Variants in SMOC2 observed in about 807,000 individuals in gnomAD.
SMOC2 encodes the protein SPARC-related modular calcium-binding protein 2.
SMOC2 carries 39 observed loss-of-function variants against 61.4 expected under a neutral mutation model. That is an observed-to-expected ratio of 0.64 (90% confidence interval 0.49 to 0.83). SMOC2 has a LOEUF of 0.83. SMOC2 is among the 40% of genes least tolerant of loss of function. The pLI is 0.00. For missense variants in SMOC2, 556 were observed against 592.9 expected, an observed-to-expected ratio of 0.94 and a Z score of 0.65; for synonymous variants, 247 against 239.9, an observed-to-expected ratio of 1.03 and a Z score of -0.27.
intron 9 of SMOC2, among the ~76,000 whole-genome samples, chr6:168,637,542 G>A (rs534013289): frequency 3.3e-5 from 5 of 152,222 alleles, no homozygotes; most frequent in African/African-American, 9.6e-5. Context: ...TGTGGGTGTC[G>A]ACTTGCTAGA....
intron 7 of SMOC2, among the ~76,000 whole-genome samples, chr6:168,587,570 G>A (rs1583135196): frequency 6.6e-6 from 1 of 152,146 alleles, no homozygotes; most frequent in Admixed American, 6.5e-5. Flanking sequence ...AATATACAAC[G>A]TACATCTGAG....
rs545011773 is a variant in SMOC2, at chr6:168,585,838, T to C, written c.638-12980T>C. ...ATGTCTGTTTTCACCTTTGTTAAAT[T>C]TGGATAAGGCTGTTCACCTTTGGTG... On this transcript the variant is annotated intron_variant, in intron 7 of 12. Transcript: ENST00000356284. Among the ~76,000 whole-genome samples, 10 of 152,374 alleles carry C rather than the reference T, an allele frequency of 6.6e-5. No individual in the cohort carries two copies. In the South Asian group the frequency reaches 2.1e-3, roughly 32 times the overall value.
At chr6:168,656,516 AAAAAAAAAAAAAAAGAAAAG>A (rs1279469896) in intron 11 of SMOC2, among the ~76,000 whole-genome samples, 3 of 138,948 alleles carry the variant, frequency 2.2e-5, no homozygotes, top group African/African-American at 8.6e-5. Flanking sequence ...TTAAAAAAAA[AAAAAAAAAAAAAAAGAAAAG>A]AAAAGAAAAA....
intron 9 of SMOC2, among the ~76,000 whole-genome samples, chr6:168,642,677 C>T (rs1244841132): frequency 4.6e-5 from 7 of 152,206 alleles, no homozygotes; most frequent in African/African-American, 1.7e-4. Flanking sequence ...ACGCGCTGAC[C>T]AGGTCTCAGT....
chr6:168,568,053 C>T (rs1383973082), intron 7 of SMOC2, among the ~76,000 whole-genome samples: 10 of 149,972 alleles, frequency 6.7e-5, no homozygotes, highest in Non-Finnish European at 1.0e-4. Flanking sequence ...CAGCCACAGG[C>T]GAAGACTGGA....
chr6:168,640,177 G>C (rs200816222), intron 9 of SMOC2, among the ~76,000 whole-genome samples: 14 of 14,286 alleles, frequency 9.8e-4, no homozygotes, highest in African/African-American at 8.3e-3. Context: ...CGGTCTTGGT[G>C]TTGGTGTTGG....
At chr6:168,582,317 T>C (rs1365106093) in intron 7 of SMOC2, among the ~76,000 whole-genome samples, 1 of 152,162 alleles carries the variant, frequency 6.6e-6, no homozygotes, top group South Asian at 2.1e-4. Context: ...ACAGCAATTA[T>C]AGCTGGAGAT....
intron 1 of SMOC2, among the ~76,000 whole-genome samples, chr6:168,488,859 GAATGA>G (rs1782397771): frequency 1.4e-5 from 2 of 142,514 alleles, no homozygotes; most frequent in South Asian, 5.4e-4. Flanking sequence ...CACTGTTTTA[GAATGA>G]AATATATCAA....
chr6:168,638,228 ATGT>A (rs1214304591), intron 9 of SMOC2, among the ~76,000 whole-genome samples: 1 of 131,876 alleles, frequency 7.6e-6, no homozygotes, highest in Non-Finnish European at 1.7e-5. Flanking sequence ...TCTTTAAATA[ATGT>A]TGTTATTGTT....
At chr6:168,624,617 GAC>G (rs995836859) in intron 9 of SMOC2, among the ~76,000 whole-genome samples, 6 of 100,448 alleles carry the variant, frequency 6.0e-5, no homozygotes, top group East Asian at 2.7e-4. Context: ...GACACACAGA[GAC>G]ACAGACACAG....
At chr6:168,622,762 A>T (rs1050490379) in intron 9 of SMOC2, among the ~76,000 whole-genome samples, 26 of 152,116 alleles carry the variant, frequency 1.7e-4, no homozygotes, top group African/African-American at 6.3e-4. Flanking sequence ...ACAGGGGGGA[A>T]GCTGAGGTAC....
At chr6:168,543,189 A>G (rs543787892) in intron 4 of SMOC2, among the ~76,000 whole-genome samples, 1 of 152,346 alleles carries the variant, frequency 6.6e-6, no homozygotes, top group East Asian at 1.9e-4. Flanking sequence ...GTTCCTCGCC[A>G]TTCTCCTCTA....
intron 1 of SMOC2, among the ~76,000 whole-genome samples, chr6:168,489,066 G>A (rs972314386): frequency 2.7e-4 from 38 of 139,156 alleles, no homozygotes; most frequent in Non-Finnish European, 2.4e-4. Flanking sequence ...GAAATATATC[G>A]AATCATCTGG....
At chr6:168,652,377 GCA>G (rs1744156482) in intron 10 of SMOC2, among the ~76,000 whole-genome samples, 1 of 152,144 alleles carries the variant, frequency 6.6e-6, no homozygotes, top group Non-Finnish European at 1.5e-5. Context: ...CATCCCATGC[GCA>G]CACACACACC....
chr6:168,495,643 C>A (rs1278889144), intron 1 of SMOC2, among the ~76,000 whole-genome samples: 1 of 152,130 alleles, frequency 6.6e-6, no homozygotes, highest in African/African-American at 2.4e-5. Context: ...CAGCGCTTCG[C>A]AAACACCTCA....
At chr6:168,455,079 C>T (rs1355819839) in intron 1 of SMOC2, among the ~76,000 whole-genome samples, 1 of 152,012 alleles carries the variant, frequency 6.6e-6, no homozygotes, top group African/African-American at 2.4e-5. Flanking sequence ...GGGGCCCCTG[C>T]AGGGTGCCGG....
chr6:168,556,014 G>A lies in SMOC2; in HGVS notation c.637+6811G>A, dbSNP rs569378131. ...GCCTCTGAGCGACACCATCCTCGCC[G>A]TGGCGGGGTCCAGGCAGGCCTGGGG... On this transcript the variant is annotated intron_variant, in intron 7 of 12. Coordinates refer to ENST00000356284, the MANE Select transcript of SMOC2 (RefSeq NM_001166412.2). Among the ~76,000 whole-genome samples, 7 of 152,332 alleles carry A rather than the reference G, an allele frequency of 4.6e-5. No homozygotes were observed. In the South Asian group the frequency reaches 1.0e-3, roughly 23 times the overall value.
At chr6:168,459,246 C>G (rs1032376573) in intron 1 of SMOC2, among the ~76,000 whole-genome samples, 33 of 152,272 alleles carry the variant, frequency 2.2e-4, no homozygotes, top group African/African-American at 7.5e-4. Flanking sequence ...AGGCTCAAAG[C>G]CGGGGCGTGG....
chr6:168,588,745 C>A (rs1215791032), intron 7 of SMOC2, among the ~76,000 whole-genome samples: 1 of 152,168 alleles, frequency 6.6e-6, no homozygotes, highest in Non-Finnish European at 1.5e-5. Context: ...GGAATGACTA[C>A]TACAGACTTA....
Sources: gnomAD v4.1 joint callset for allele counts (sites outside exome capture counted in the v4.1 genomes callset) on GRCh38, gnomAD v4.1.1 for gene constraint, MANE v1.5 for transcripts, NCBI Gene and HGNC (gene_info 2026-07-23, HGNC 2026-07-21) for gene names.